Variants in FAM53A observed in about 807,000 individuals in gnomAD.
FAM53A encodes the protein protein FAM53A.
FAM53A carries 28 observed loss-of-function variants against 26.6 expected under a neutral mutation model. The observed-to-expected ratio is 1.05, with a 90% CI of 0.78 to 1.45. The LOEUF (loss-of-function observed/expected upper bound fraction) is 1.45. FAM53A is among the 40% of genes most tolerant of loss of function. The pLI is 0.00. For synonymous variants in FAM53A, 290 were observed against 253.1 expected (o/e 1.15, Z -1.38); for missense variants, 650 against 575.8 (o/e 1.13, Z -1.32).
chr4:1,593,145 CA>C, the FAM53A span, among the ~76,000 whole-genome samples: 1 of 152,204 alleles, frequency 6.6e-6, no homozygotes, highest in Non-Finnish European at 1.5e-5. Context: ...GCCAGAGAGG[CA>C]CCAGGTCCTG....
the FAM53A span, among the ~76,000 whole-genome samples, chr4:1,581,403 A>C: frequency 6.6e-6 from 1 of 152,220 alleles, no homozygotes; most frequent in Non-Finnish European, 1.5e-5. Flanking sequence ...ACAGAAGTAG[A>C]AGTTAAAGAC....
At chr4:1,660,897 A>C (rs893116114) in intron 2 of FAM53A, among the ~76,000 whole-genome samples, 2 of 151,952 alleles carry the variant, frequency 1.3e-5, no homozygotes, top group Non-Finnish European at 2.9e-5. Flanking sequence ...AAAAAAACTA[A>C]AAGTTTTTTA....
intron 1 of FAM53A, among the ~76,000 whole-genome samples, chr4:1,622,197 G>A (rs60920856): frequency 0.053 from 8,008 of 152,260 alleles, 647 homozygotes; most frequent in African/African-American, 0.18. Flanking sequence ...GCAGCAGCAC[G>A]GAGAGAGGCA....
the FAM53A span, among the ~76,000 whole-genome samples, chr4:1,577,232 C>G: frequency 3.9e-5 from 6 of 152,300 alleles, no homozygotes; most frequent in African/African-American, 1.4e-4. Context: ...ACAGGGAGAG[C>G]AGAGGGGACC....
intron 1 of FAM53A, chr4:1,618,114 G>A (rs1472230965): frequency 4.4e-6 from 2 of 456,276 alleles, no homozygotes; most frequent in African/African-American, 2.0e-5. Context: ...GAGGCAACCT[G>A]GAAGGAAGAC....
downstream of FAM53A, among the ~76,000 whole-genome samples, chr4:1,614,607 C>T (rs1031983184): frequency 3.9e-5 from 6 of 152,118 alleles, no homozygotes; most frequent in African/African-American, 1.4e-4. Flanking sequence ...GGACGGGGCG[C>T]CAGGTCAGCC....
chr4:1,587,590 T>C, the FAM53A span, among the ~76,000 whole-genome samples: 1 of 152,156 alleles, frequency 6.6e-6, no homozygotes, highest in Non-Finnish European at 1.5e-5. Context: ...GAGAATCGCT[T>C]GAACCCAGGA....
chr4:1,672,628 G>T (rs1011524082), intron 1 of FAM53A, among the ~76,000 whole-genome samples: 1 of 152,064 alleles, frequency 6.6e-6, no homozygotes, highest in Non-Finnish European at 1.5e-5. Flanking sequence ...CCCAAAAGAT[G>T]CTCGGCAGCC....
chr4:1,660,571 A>G (rs1200397946), intron 2 of FAM53A, among the ~76,000 whole-genome samples: 3 of 152,194 alleles, frequency 2.0e-5, no homozygotes, highest in African/African-American at 7.2e-5. Context: ...TGGGCAACAC[A>G]GCAAGACCCT....
At chr4:1,678,481 A>C (rs1414714077) in intron 1 of FAM53A, among the ~76,000 whole-genome samples, 6 of 152,234 alleles carry the variant, frequency 3.9e-5, no homozygotes, top group Non-Finnish European at 8.8e-5. Flanking sequence ...TAGAGAACAG[A>C]GAGTCTTTTC....
At chr4:1,667,444 T>G in intron 2 of FAM53A, among the ~76,000 whole-genome samples, 1 of 152,160 alleles carries the variant, frequency 6.6e-6, no homozygotes, top group East Asian at 1.9e-4. Context: ...GGAAACGTAC[T>G]AATTACAGGA....
chr4:1,596,360 C>T, the FAM53A span, among the ~76,000 whole-genome samples: 2 of 152,228 alleles, frequency 1.3e-5, no homozygotes, highest in Admixed American at 1.3e-4. Context: ...TGTAGTTTCA[C>T]ATACAGTTAT....
chr4:1,644,552 A>T, intron 4 of FAM53A: 1 of 551,674 alleles, frequency 1.8e-6, no homozygotes, highest in East Asian at 3.1e-5. Context: ...TGCGCCACCC[A>T]TCCGCCTCGC....
intron 2 of FAM53A, among the ~76,000 whole-genome samples, chr4:1,660,063 G>A (rs190821526): frequency 7.6e-4 from 116 of 152,216 alleles, no homozygotes; most frequent in South Asian, 3.1e-3. Context: ...CGGGAGGATC[G>A]CTTGAGCTCA....
chr4:1,663,104 C>T (rs919105717), intron 2 of FAM53A, among the ~76,000 whole-genome samples: 10 of 151,816 alleles, frequency 6.6e-5, no homozygotes, highest in South Asian at 2.1e-4. Context: ...GAGGCTGAGG[C>T]GTGAGAATGG....
the FAM53A span, among the ~76,000 whole-genome samples, chr4:1,606,291 C>T: frequency 5.3e-5 from 8 of 151,976 alleles, no homozygotes; most frequent in East Asian, 1.6e-3. Context: ...ATGATCCTCC[C>T]GCCTCGGCCT....
intron 4 of FAM53A, among the ~76,000 whole-genome samples, chr4:1,647,769 G>A (rs754819170): frequency 4.6e-5 from 7 of 152,208 alleles, no homozygotes; most frequent in Non-Finnish European, 1.0e-4. Context: ...GCACATAAGC[G>A]TGGGGGTGAG....
chr4:1,647,175 A>G (rs1712320865), intron 4 of FAM53A, among the ~76,000 whole-genome samples: 1 of 151,926 alleles, frequency 6.6e-6, no homozygotes, highest in Non-Finnish European at 1.5e-5. Flanking sequence ...TCTCTACTAA[A>G]AATACAAAAA....
the FAM53A span, among the ~76,000 whole-genome samples, chr4:1,599,878 G>A: frequency 4.6e-5 from 7 of 152,286 alleles, 1 homozygote; most frequent in South Asian, 1.2e-3. The surrounding 1 kb of genome is among the most constrained non-coding windows in gnomAD (Gnocchi z 6.1). Context: ...AGAGGGTGTG[G>A]GCTGCATGGC....
Sources: allele counts gnomAD v4.1 joint callset (sites outside exome capture counted in the v4.1 genomes callset), GRCh38; gene constraint gnomAD v4.1.1; non-coding constraint Gnocchi (gnomAD v3.1); transcripts MANE v1.5; gene names NCBI Gene and HGNC (gene_info 2026-07-23, HGNC 2026-07-21).